The following CFAP74 variants were observed in gnomAD, a reference collection of about 807,000 sequenced individuals.
CFAP74 encodes cilia- and flagella-associated protein 74.
In CFAP74, 124 loss-of-function variants were observed where a neutral mutation model predicts 188.9. That is an observed-to-expected ratio of 0.66 (90% CI 0.57 to 0.76). CFAP74 has a LOEUF of 0.76. Ranked by LOEUF, CFAP74 falls within the 30% of genes least tolerant of loss-of-function variation. The pLI is 0.00. For missense variants in CFAP74, 2,198 were observed against 2,165.2 expected (o/e 1.02, Z -0.30); for synonymous variants, 956 against 916.7 (o/e 1.04, Z -0.77).
At chr1:1,946,616 G>A (rs1187242057) in intron 19 of CFAP74, among the ~76,000 whole-genome samples, 177 bp from the exon 20 acceptor site, 6 of 152,172 alleles carry the variant, frequency 3.9e-5, no homozygotes, top group African/African-American at 9.7e-5. Flanking sequence ...ACTTACTGTC[G>A]TGGGATCCCA....
At chr1:1,971,434 C>T (rs7366028) in intron 9 of CFAP74, among the ~76,000 whole-genome samples, 35,358 of 152,264 alleles carry the variant, frequency 0.23, 4,502 homozygotes, top group Non-Finnish European at 0.29. Context: ...CACATGCAAA[C>T]GTGCACACAC....
intron 6 of CFAP74, among the ~76,000 whole-genome samples, chr1:1,982,358 C>T (rs1018751659): frequency 4.6e-5 from 7 of 150,832 alleles, no homozygotes; most frequent in East Asian, 4.0e-4. Flanking sequence ...CGTGGTCACA[C>T]GCGGGGACAT....
chr1:2,001,589 G>T lies in CFAP74; in HGVS notation c.-20+2112C>A, dbSNP rs1011790554. On this transcript the variant is annotated intron_variant, in intron 1 of 38. Coordinates refer to ENST00000682832, the MANE Select transcript of CFAP74 (RefSeq NM_001304360.2). ...GATCCGCCCTCCTCAGCCTCCCAAA[G>T]TGCTGGGATTACAGGCGTGAGCCAC... Among the ~76,000 whole-genome samples the T allele has an allele frequency of 1.6e-4, 24 of 152,206 alleles. 1 individual carries two copies. The highest frequency in any genetic ancestry group is 1.5e-3 in the Admixed American group (23 of 15,274).
At chr1:1,992,317 C>G (rs1206855464) in intron 1 of CFAP74, among the ~76,000 whole-genome samples, 1 of 151,960 alleles carries the variant, frequency 6.6e-6, no homozygotes, top group Non-Finnish European at 1.5e-5. Flanking sequence ...GCACATGCCG[C>G]CATGCCCAGG....
At chr1:1,970,151 C>T (rs1026692598) in intron 10 of CFAP74, among the ~76,000 whole-genome samples, 9 of 152,286 alleles carry the variant, frequency 5.9e-5, no homozygotes, top group African/African-American at 1.4e-4. Context: ...CCAGAAGCAA[C>T]GTGTTCACCA....
intron 1 of CFAP74, among the ~76,000 whole-genome samples, chr1:1,992,085 A>C (rs1038341351): frequency 2.0e-5 from 3 of 151,852 alleles, no homozygotes; most frequent in African/African-American, 7.3e-5. Context: ...AACAGTGAGC[A>C]CTGGCAAGGC....
rs141255597 is a variant in CFAP74 at position 1,993,286 on chromosome 1, C to A, written c.-19-2311G>T. Among the ~76,000 whole-genome samples, 208 of 149,230 alleles carry A rather than the reference C, an allele frequency of 1.4e-3. 2 individuals carry two copies. The highest frequency in any genetic ancestry group is 4.9e-3 in the African/African-American group (199 of 40,776). On this transcript the variant is annotated intron_variant, in intron 1 of 38. Transcript: ENST00000682832. ...GGTGAGAATTAAATTTAATGGCTAA[C>A]TTTCTTTTATTTTTTTGAGACAGGG...
chr1:1,934,776 C>G (rs77049598), intron 25 of CFAP74, among the ~76,000 whole-genome samples: 2 of 114,960 alleles, frequency 1.7e-5, no homozygotes, highest in African/African-American at 7.0e-5. Context: ...CACGTGTGTA[C>G]GTGGGTGTTA....
intron 6 of CFAP74, among the ~76,000 whole-genome samples, chr1:1,980,146 G>A (rs28562906): frequency 0.12 from 9,302 of 75,528 alleles, 803 homozygotes; most frequent in East Asian, 0.18. Flanking sequence ...TACCGCGTGG[G>A]GAGGACGGGT....
chr1:1,937,199 C>T (rs970831523), intron 25 of CFAP74, among the ~76,000 whole-genome samples: 7 of 152,350 alleles, frequency 4.6e-5, no homozygotes, highest in Admixed American at 3.9e-4. Flanking sequence ...GCACCAAAGG[C>T]GGCTGAGGGA....
chr1:1,925,362 G>C (rs545639392), intron 33 of CFAP74, among the ~76,000 whole-genome samples: 8 of 151,930 alleles, frequency 5.3e-5, no homozygotes, highest in Admixed American at 1.3e-4. Flanking sequence ...GAGCACACAG[G>C]GCAGTGCGAG....
chr1:1,987,879 C>A lies in CFAP74; in HGVS notation c.296+633G>T, dbSNP rs76016298. On this transcript the variant is annotated intron_variant, in intron 4 of 38. Coordinates refer to ENST00000682832, the MANE Select transcript of CFAP74 (RefSeq NM_001304360.2). ...GAAAACACACGGGCGCTGCCGGAGC[C>A]GAGGAGGGAAATCGTAGTTTCCCCG... The A allele has an allele frequency of 6.0e-3, 2,040 of 337,568 alleles. 38 individuals are homozygous for A. Among genetic ancestry groups the A allele is most frequent in the African/African-American group, 0.027 (1,240 of 46,188 alleles). 20.9% of individuals were successfully genotyped at this position (337,568 alleles called of 1,614,324 possible).
At chr1:1,976,009 A>G (rs1261966073) in intron 6 of CFAP74, among the ~76,000 whole-genome samples, 2 of 152,240 alleles carry the variant, frequency 1.3e-5, no homozygotes, top group Admixed American at 6.5e-5. Context: ...GTCCAAGGTC[A>G]AGGTGCCAGC....
At chr1:1,996,191 G>A (rs934546688) in intron 1 of CFAP74, among the ~76,000 whole-genome samples, 4 of 152,014 alleles carry the variant, frequency 2.6e-5, no homozygotes, top group African/African-American at 9.7e-5. Context: ...CATCATGTTG[G>A]CCAGGCTGGT....
chr1:1,992,727 G>A (rs1043942185), intron 1 of CFAP74, among the ~76,000 whole-genome samples: 38 of 150,632 alleles, frequency 2.5e-4, no homozygotes, highest in African/African-American at 9.0e-4. Context: ...ACCTGTCTCG[G>A]CCTCCCAAAG....
At chr1:1,927,800 C>T in intron 27 of CFAP74, 54 bp from the exon 28 acceptor site, 2 of 1,515,410 alleles carry the variant, frequency 1.3e-6, no homozygotes, top group Non-Finnish European at 1.8e-6. Context: ...ACACAGCCAG[C>T]TGTGCCCCGT....
intron 24 of CFAP74, 138 bp downstream of exon 24, chr1:1,939,456 G>A (rs965550663): frequency 2.9e-5 from 24 of 836,332 alleles, no homozygotes; most frequent in Admixed American, 9.7e-5. Context: ...AGGCCCAGGT[G>A]TGGAGGGGTG....
chr1:1,933,046 C>T (rs538887736), intron 25 of CFAP74, among the ~76,000 whole-genome samples: 7 of 149,770 alleles, frequency 4.7e-5, no homozygotes, highest in South Asian at 4.2e-4. Flanking sequence ...CCACCATGCC[C>T]GGCTAATTTT....
chr1:1,942,015 T>A lies in CFAP74; in HGVS notation c.2615+13A>T. ...ACGTCCTCCTGTCCCGGCCTTGGCG[T>A]CCTGGCACCTACCGCGGCAGGAACT... On this transcript the variant is annotated intron_variant, in intron 22 of 38. Coordinates refer to ENST00000682832, the MANE Select transcript of CFAP74 (RefSeq NM_001304360.2). The surrounding 1 kb of genome is among the most constrained non-coding windows in gnomAD (Gnocchi z 4.3). The A allele has an allele frequency of 6.7e-7, 1 of 1,487,350 alleles. No homozygotes were observed. Among genetic ancestry groups the A allele is most frequent in the Non-Finnish European group, 8.9e-7 (1 of 1,123,640 alleles). 92.1% of individuals were successfully genotyped at this position (1,487,350 alleles called of 1,614,324 possible).
Sources: allele counts gnomAD v4.1 joint callset (sites outside exome capture counted in the v4.1 genomes callset), GRCh38; gene constraint gnomAD v4.1.1; non-coding constraint Gnocchi (gnomAD v3.1); transcripts MANE v1.5; gene names NCBI Gene and HGNC (gene_info 2026-07-23, HGNC 2026-07-21).